Variants in ERICH3 observed in about 807,000 individuals in gnomAD.
ERICH3 encodes the protein glutamate rich 3, also known as glutamate-rich protein 3.
In ERICH3, 126 loss-of-function variants were observed where a neutral mutation model predicts 131.1. The observed-to-expected ratio is 0.96, with a 90% confidence interval of 0.83 to 1.11. The LOEUF (loss-of-function observed/expected upper bound fraction) is 1.11. Ranked by LOEUF, ERICH3 falls within the 50% of genes most tolerant of loss-of-function variation. ERICH3 has a pLI of 0.00. For missense variants in ERICH3, 2,050 were observed against 1,810.7 expected (o/e 1.13, Z -2.40); for synonymous variants, 695 against 644.6 (o/e 1.08, Z -1.18).
Position 74,631,829 on chromosome 1 carries a change from G to C in ERICH3, c.703C>G (p.Pro235Ala). Residue 235 changes from proline to alanine, a missense_variant, in exon 7 of 15, where the codon CCT becomes GCT. Transcript: ENST00000326665. ...TTCCCAGTTGGGGGAAGTGGAGGAGGAATAGGCATCATGTAACTGTTAATG... is the reference window on the plus strand; with the variant it reads ...TTCCCAGTTGGGGGAAGTGGAGGAGCAATAGGCATCATGTAACTGTTAATG... ...PNINSYMMPIPPPLPPTGKIT... is the reference protein window; with the variant it reads ...PNINSYMMPIAPPLPPTGKIT... 1 of 1,613,374 alleles carries C rather than the reference G, an allele frequency of 6.2e-7. No homozygotes were observed. The highest frequency in any genetic ancestry group is 1.1e-5 in the South Asian group (1 of 91,058).
Position 74,572,027 on chromosome 1 carries a change from T to C in ERICH3, c.3683A>G (p.Gln1228Arg), listed in dbSNP as rs752641559. The C allele has an allele frequency of 6.2e-7, 1 of 1,614,162 alleles. No individual in the cohort carries two copies. Among genetic ancestry groups the C allele is most frequent in the Non-Finnish European group, 8.5e-7 (1 of 1,180,034 alleles). Reference protein sequence around the residue: ...APEAEPAGKVQAPEGLIPATG... With the variant: ...APEAEPAGKVRAPEGLIPATG... ...GGCTGGGATCAGCCCCTCAGGGGCC[T>C]GCACCTTTCCTGCTGGCTCAGCTTC... is the stretch of plus-strand genomic sequence containing the variant. Residue 1228 changes from glutamine to arginine, a missense_variant, in exon 14 of 15, where the codon CAG becomes CGG. Transcript: ENST00000326665.
At chr1:74,594,669 A>G (rs1398121011) in intron 11 of ERICH3, among the ~76,000 whole-genome samples, 1 of 152,096 alleles carries the variant, frequency 6.6e-6, no homozygotes, top group Non-Finnish European at 1.5e-5. Flanking sequence ...ATGTTCATAA[A>G]GGTATTGGTT....
intron 5 of ERICH3, among the ~76,000 whole-genome samples, chr1:74,639,543 T>G (rs1646419633): frequency 6.6e-6 from 1 of 152,216 alleles, no homozygotes; most frequent in Non-Finnish European, 1.5e-5. Flanking sequence ...CATTGTAGCT[T>G]AACATTCTGA....
chr1:74,673,375 C>A, intron 1 of ERICH3, 122 bp downstream of exon 1: 4 of 1,165,964 alleles, frequency 3.4e-6, no homozygotes, highest in Non-Finnish European at 4.8e-6. Flanking sequence ...ATATTTTCCT[C>A]TCCCCAGCCC....
chr1:74,589,539 G>A, intron 12 of ERICH3, 92 bp downstream of exon 12: 1 of 1,190,336 alleles, frequency 8.4e-7, no homozygotes, highest in Non-Finnish European at 1.2e-6. Flanking sequence ...CATTGTCACA[G>A]TAGTATTTCC....
chr1:74,633,390 G>A (rs962902232), intron 6 of ERICH3, among the ~76,000 whole-genome samples: 1 of 151,374 alleles, frequency 6.6e-6, no homozygotes, highest in East Asian at 1.9e-4. Context: ...CGTTTATATT[G>A]TAATAAAAAA....
At chr1:74,578,604 T>TC (rs532746031) in intron 12 of ERICH3, 149 of 152,444 alleles carry the variant, frequency 9.8e-4, no homozygotes, top group African/African-American at 3.3e-3. Flanking sequence ...CTTTCCTTTT[T>TC]CCCCCCTTTC....
intron 6 of ERICH3, among the ~76,000 whole-genome samples, chr1:74,634,249 T>C (rs1008487389): frequency 3.9e-5 from 6 of 152,140 alleles, no homozygotes; most frequent in African/African-American, 9.6e-5. Context: ...CTGTGAACAT[T>C]ACACTATAAG....
intron 10 of ERICH3, among the ~76,000 whole-genome samples, chr1:74,604,689 G>T (rs969330832): frequency 2.6e-5 from 4 of 151,934 alleles, no homozygotes; most frequent in Non-Finnish European, 5.9e-5. Flanking sequence ...GATGTTGAAA[G>T]AAATCTTTTT....
chr1:74,661,974 G>A (rs1646646257), intron 1 of ERICH3, among the ~76,000 whole-genome samples: 1 of 152,162 alleles, frequency 6.6e-6, no homozygotes. Context: ...AGAGAAAAAA[G>A]TGGGAAAGAT....
At chr1:74,647,152 C>T (rs1476154957) in intron 2 of ERICH3, among the ~76,000 whole-genome samples, 2 of 152,036 alleles carry the variant, frequency 1.3e-5, no homozygotes, top group African/African-American at 2.4e-5. Context: ...GCACACTTGA[C>T]GTTTAAAACA....
At chr1:74,648,307 G>A (rs553443319) in intron 2 of ERICH3, among the ~76,000 whole-genome samples, 12 of 152,226 alleles carry the variant, frequency 7.9e-5, no homozygotes, top group South Asian at 2.1e-4. Context: ...TACAACACCC[G>A]TTTATTGCAC....
At chr1:74,665,726 T>G (rs1196702468) in intron 1 of ERICH3, among the ~76,000 whole-genome samples, 1 of 152,108 alleles carries the variant, frequency 6.6e-6, no homozygotes, top group Non-Finnish European at 1.5e-5. Flanking sequence ...AAGACACCAG[T>G]CACATTGGAT....
chr1:74,631,914 C>T lies in ERICH3; in HGVS notation c.618G>A (p.Val206=). Residue 206 remains valine, a synonymous_variant, in exon 7 of 15, where the codon GTG becomes GTA. Coordinates refer to ENST00000326665, the MANE Select transcript of ERICH3 (RefSeq NM_001002912.5). The part of the protein sequence containing the change: ...ALFPIGGKKA[V]MKFRNSIGNS... ...TGCCTATGGAGTTCCTGAACTTCAT[C>T]ACTGCCTTCTTGCCCTGTAATCATA... 1.2e-6 allele frequency: 2 copies of T among 1,612,362 alleles called. No individual in the cohort carries two copies. Among genetic ancestry groups the T allele is most frequent in the Non-Finnish European group, 8.5e-7 (1 of 1,178,774 alleles).
intron 8 of ERICH3, among the ~76,000 whole-genome samples, chr1:74,618,817 G>C (rs1424092670): frequency 6.6e-6 from 1 of 152,162 alleles, no homozygotes; most frequent in African/African-American, 2.4e-5. Context: ...ATTAACGAAA[G>C]CCAAATCTTA....
At chr1:74,629,370 T>G (rs1456093505) in intron 7 of ERICH3, among the ~76,000 whole-genome samples, 1 of 148,884 alleles carries the variant, frequency 6.7e-6, no homozygotes, top group African/African-American at 2.5e-5. Context: ...GAGAAAAAGG[T>G]TTTTTTTTTC....
In ERICH3 at chr1:74,572,696, C is replaced by T. The variant is rs760006920; in HGVS notation, c.3014G>A (p.Arg1005Gln). The T allele has an allele frequency of 5.6e-6, 9 of 1,613,828 alleles. No individual in the cohort carries two copies. Among genetic ancestry groups the T allele is most frequent in the African/African-American group, 4.0e-5 (3 of 74,840 alleles). ...SPFTGEAEAS[R>Q]MQVSEGSPEE... is the part of the protein sequence containing the mutation. ...AGGGCTGCCCTCCGAAACCTGCATC[C>T]GGCTTGCCTCTGCCTCTCCTGTGAA... The change falls in exon 14 of 15, where the codon CGG becomes CAG. Residue 1005 changes from arginine (R) to glutamine (Q), a missense_variant. Coordinates refer to ENST00000326665, the MANE Select transcript of ERICH3 (RefSeq NM_001002912.5).
Position 74,571,540 on chromosome 1 carries a change from C to G in ERICH3, c.4170G>C (p.Gln1390His). 3 of 1,614,182 alleles carry G rather than the reference C, an allele frequency of 1.9e-6. No individual in the cohort carries two copies. The highest frequency in any genetic ancestry group is 2.5e-6 in the Non-Finnish European group (3 of 1,180,016). ...DVAEEETWHQ[Q>H]DELVGKTAAA... is the part of the protein sequence containing the mutation. ...CTGCTGTTTTTCCTACTAACTCATC[C>G]TGTTGGTGCCAGGTTTCTTCCTCAG... The change falls in exon 14 of 15, where the codon CAG (glutamine) becomes CAC (histidine). Residue 1390 changes from glutamine to histidine, a missense_variant. Gln to His is a conservative substitution (Grantham distance 24). Coordinates refer to ENST00000326665, the MANE Select transcript of ERICH3 (RefSeq NM_001002912.5).
Position 74,571,817 on chromosome 1 carries a change from T to C in ERICH3, c.3893A>G (p.Glu1298Gly). 2 of 1,613,358 alleles carry C rather than the reference T, an allele frequency of 1.2e-6. No individual in the cohort carries two copies. Among genetic ancestry groups the C allele is most frequent in the Non-Finnish European group, 1.7e-6 (2 of 1,180,034 alleles). ...TGTCTCCAGAGTGCACTCTTTGTCCTCTTCCTCCTCTGGGTCCTCATCCAC... is the reference window on the plus strand; with the variant it reads ...TGTCTCCAGAGTGCACTCTTTGTCCCCTTCCTCCTCTGGGTCCTCATCCAC... Reference protein sequence around the residue: ...EAVDEDPEEEEDKECTLETEA... With the variant: ...EAVDEDPEEEGDKECTLETEA... Residue 1298 changes from glutamate to glycine, a missense_variant, in exon 14 of 15, where the codon GAG (glutamate) becomes GGG (glycine). Physicochemically the swap from Glu to Gly is moderately conservative, Grantham distance 98. Transcript: ENST00000326665.
Sources: gnomAD v4.1 joint callset for allele counts (sites outside exome capture counted in the v4.1 genomes callset) on GRCh38, gnomAD v4.1.1 for gene constraint, MANE v1.5 for transcripts, NCBI Gene and HGNC (gene_info 2026-07-23, HGNC 2026-07-21) for gene names.